The following ARHGAP42 variants were observed in gnomAD, a reference collection of about 807,000 sequenced individuals.
ARHGAP42 encodes Rho GTPase activating protein 42.
Under a neutral mutation model 125.0 loss-of-function variants are expected in ARHGAP42, and 63 were observed. The observed-to-expected ratio is 0.50, with a 90% CI of 0.41 to 0.62. ARHGAP42 has a LOEUF of 0.62. ARHGAP42 is among the 20% of genes least tolerant of loss of function. The pLI is 0.00. For synonymous variants in ARHGAP42, 339 were observed against 351.0 expected (o/e 0.97, Z 0.38); for missense variants, 766 against 1,024.2 (o/e 0.75, Z 3.44).
At chr11:100,719,452 T>G (rs1378416559) in intron 1 of ARHGAP42, among the ~76,000 whole-genome samples, 1 of 152,158 alleles carries the variant, frequency 6.6e-6, no homozygotes, top group Non-Finnish European at 1.5e-5. Flanking sequence ...CAGAGGACCT[T>G]AAGTGATCAA....
chr11:100,899,529 T>C (rs183945671), intron 4 of ARHGAP42, among the ~76,000 whole-genome samples: 1 of 152,272 alleles, frequency 6.6e-6, no homozygotes, highest in African/African-American at 2.4e-5. Context: ...GGTGCTCCTG[T>C]GTTGGGTGGA....
At chr11:100,794,075 C>CAAAAAAAAAAAAAAAAAAAAAAAAAAA (rs869272420) in intron 2 of ARHGAP42, among the ~76,000 whole-genome samples, 2 of 44,864 alleles carry the variant, frequency 4.5e-5, no homozygotes, top group African/African-American at 1.4e-4. Context: ...GACCCTGTCT[C>CAAAAAAAAAAAAAAAAAAAAAAAAAAA]AAAAAAAAAA....
At chr11:100,797,959 C>A (rs907205714) in intron 3 of ARHGAP42, among the ~76,000 whole-genome samples, 1 of 152,146 alleles carries the variant, frequency 6.6e-6, no homozygotes, top group African/African-American at 2.4e-5. Flanking sequence ...TTCCAGCCCT[C>A]ATGGATGACT....
At chr11:100,922,534 A>T (rs1419596316) in intron 6 of ARHGAP42, among the ~76,000 whole-genome samples, 2 of 152,162 alleles carry the variant, frequency 1.3e-5, no homozygotes, top group African/African-American at 4.8e-5. Context: ...AGGGTTAATA[A>T]ATGTGTAAGT....
At chr11:100,809,643 A>G (rs551830952) in intron 3 of ARHGAP42, among the ~76,000 whole-genome samples, 9 of 152,320 alleles carry the variant, frequency 5.9e-5, no homozygotes, top group African/African-American at 2.2e-4. Flanking sequence ...GAGGGCCTCT[A>G]GTCTGTTCAG....
intron 17 of ARHGAP42, among the ~76,000 whole-genome samples, chr11:100,971,082 G>A (rs181971365): frequency 3.6e-4 from 55 of 152,226 alleles, no homozygotes; most frequent in African/African-American, 1.1e-3. Context: ...TGAGCTGAGG[G>A]TGGAAGAAAG....
chr11:100,948,429 A>C (rs760806302), intron 10 of ARHGAP42, 28 bp from the exon 11 acceptor site: 2 of 1,467,436 alleles, frequency 1.4e-6, no homozygotes, highest in African/African-American at 2.9e-5. Flanking sequence ...TAAATGTGTA[A>C]ATATAGAAAA....
chr11:100,959,347 G>C (rs1051625327), intron 12 of ARHGAP42, among the ~76,000 whole-genome samples: 1 of 151,898 alleles, frequency 6.6e-6, no homozygotes, highest in Admixed American at 6.6e-5. Flanking sequence ...TTTAAATATG[G>C]TAGCAAAATG....
chr11:100,931,286 A>G (rs1427351817), intron 6 of ARHGAP42, among the ~76,000 whole-genome samples: 3 of 152,220 alleles, frequency 2.0e-5, no homozygotes, highest in Non-Finnish European at 2.9e-5. Context: ...GCATCAAGCC[A>G]TGGCATAGCA....
rs1274854255 is a variant in ARHGAP42, at chr11:100,860,059, G to A, written c.384+434G>A. 3.3e-5 allele frequency among the ~76,000 whole-genome samples: 5 copies of A among 151,896 alleles called. No homozygotes were observed. In the South Asian group the frequency reaches 8.3e-4, roughly 25 times the overall value. ...GAAATGTTTGTCACAAACCCTTTTT[G>A]TTAATGTTTAATTGACTATGGACCA... is the stretch of plus-strand genomic sequence containing the variant. On this transcript the variant is annotated intron_variant, in intron 4 of 23. Coordinates refer to ENST00000298815, the MANE Select transcript of ARHGAP42 (RefSeq NM_152432.4).
At chr11:100,837,425 T>C (rs1303218061) in intron 3 of ARHGAP42, among the ~76,000 whole-genome samples, 1 of 152,096 alleles carries the variant, frequency 6.6e-6, no homozygotes, top group Non-Finnish European at 1.5e-5. Context: ...TTAGGTTTTG[T>C]CTTTGTCACA....
intron 1 of ARHGAP42, among the ~76,000 whole-genome samples, chr11:100,699,864 T>C (rs1299098366): frequency 6.6e-6 from 1 of 152,072 alleles, no homozygotes; most frequent in Non-Finnish European, 1.5e-5. Context: ...GAAATAAAAG[T>C]GCCAGCAGTG....
intron 3 of ARHGAP42, among the ~76,000 whole-genome samples, chr11:100,840,325 AGAG>A: frequency 6.6e-6 from 1 of 152,222 alleles, no homozygotes; most frequent in East Asian, 1.9e-4. Context: ...GGATTTCCAA[AGAG>A]GAGATTAAGT....
At chr11:100,882,569 G>C (rs1745663755) in intron 4 of ARHGAP42, among the ~76,000 whole-genome samples, 1 of 151,088 alleles carries the variant, frequency 6.6e-6, no homozygotes, top group South Asian at 2.1e-4. Context: ...TTCTCTTTTG[G>C]TTTTTTCCTT....
intron 1 of ARHGAP42, among the ~76,000 whole-genome samples, chr11:100,710,198 ATATAT>A (rs1426003272): frequency 2.0e-5 from 3 of 151,994 alleles, no homozygotes; most frequent in Middle Eastern, 3.2e-3. Flanking sequence ...GTTATCTTTT[ATATAT>A]TATAACATTG....
chr11:100,687,939 A>G, intron 1 of ARHGAP42, 107 bp downstream of exon 1: 1 of 1,288,934 alleles, frequency 7.8e-7, no homozygotes, highest in Non-Finnish European at 1.0e-6. Flanking sequence ...GTTTGAATGG[A>G]TTTGGGGACA....
chr11:100,795,246 G>A, intron 3 of ARHGAP42, 80 bp downstream of exon 3: 2 of 1,093,634 alleles, frequency 1.8e-6, no homozygotes, highest in Non-Finnish European at 2.6e-6. Flanking sequence ...CTGAACTAGA[G>A]AACTTTATAC....
intron 3 of ARHGAP42, among the ~76,000 whole-genome samples, chr11:100,823,034 G>A (rs1328237483): frequency 6.6e-6 from 1 of 152,112 alleles, no homozygotes; most frequent in Non-Finnish European, 1.5e-5. Flanking sequence ...GGGAGTAACA[G>A]CCATGACTAG....
intron 3 of ARHGAP42, among the ~76,000 whole-genome samples, chr11:100,815,274 C>T (rs922415361): frequency 2.0e-5 from 3 of 152,190 alleles, no homozygotes; most frequent in Admixed American, 2.0e-4. Context: ...CACTGTTATA[C>T]ATCTACTCTT....
Sources: gnomAD v4.1 joint callset for allele counts (sites outside exome capture counted in the v4.1 genomes callset) on GRCh38, gnomAD v4.1.1 for gene constraint, MANE v1.5 for transcripts, NCBI Gene and HGNC (gene_info 2026-07-23, HGNC 2026-07-21) for gene names.